The following LRFN2 variants were observed in gnomAD, a reference collection of about 807,000 sequenced individuals.
LRFN2 encodes leucine-rich repeat and fibronectin type-III domain-containing protein 2.
A neutral mutation model predicts 37.3 loss-of-function variants in LRFN2; 18 were observed. That is an observed-to-expected ratio of 0.48 (90% CI 0.33 to 0.72). The LOEUF (loss-of-function observed/expected upper bound fraction) is 0.72. Among genes scored for constraint, LRFN2 ranks in the 30% least tolerant of loss-of-function variants. The probability of loss-of-function intolerance (pLI) is 0.02; values close to 1 mark genes in which losing one functional copy is unlikely to be tolerated. For missense variants in LRFN2, 1,006 were observed against 1,060.7 expected (o/e 0.95, Z 0.72); for synonymous variants, 556 against 466.6 (o/e 1.19, Z -2.47).
chr6:40,553,104 G>A (rs1291164605), intron 1 of LRFN2, among the ~76,000 whole-genome samples: 5 of 152,072 alleles, frequency 3.3e-5, no homozygotes, highest in African/African-American at 9.7e-5. Flanking sequence ...TGTTCGCTCC[G>A]CTCTGCCTGC....
chr6:40,499,388 A>ATT (rs34232819), intron 1 of LRFN2, among the ~76,000 whole-genome samples: 3 of 147,538 alleles, frequency 2.0e-5, no homozygotes, highest in African/African-American at 7.4e-5. Flanking sequence ...CCTTCCAGAC[A>ATT]TTTTTTTTTT....
chr6:40,455,397 G>A (rs1764212488), intron 1 of LRFN2, among the ~76,000 whole-genome samples: 1 of 152,182 alleles, frequency 6.6e-6, no homozygotes, highest in Non-Finnish European at 1.5e-5. Context: ...TTCCATGTGG[G>A]GTCTGGCATA....
intron 1 of LRFN2, among the ~76,000 whole-genome samples, chr6:40,452,596 G>A (rs559364206): frequency 6.6e-6 from 1 of 152,302 alleles, no homozygotes; most frequent in East Asian, 1.9e-4. Flanking sequence ...GAACAACTGA[G>A]GGATTTGACC....
At chr6:40,550,261 G>A (rs927540169) in intron 1 of LRFN2, among the ~76,000 whole-genome samples, 1 of 152,136 alleles carries the variant, frequency 6.6e-6, no homozygotes, top group African/African-American at 2.4e-5. Flanking sequence ...CAGCTCTGTT[G>A]CTAGGAGACA....
chr6:40,401,903 G>A (rs977961084), intron 2 of LRFN2, among the ~76,000 whole-genome samples: 19 of 152,040 alleles, frequency 1.2e-4, no homozygotes, highest in Admixed American at 3.3e-4. Flanking sequence ...ATTTGGAAGG[G>A]CCACATCAGG....
intron 1 of LRFN2, among the ~76,000 whole-genome samples, chr6:40,488,339 C>T (rs1439635262): frequency 6.6e-6 from 1 of 151,754 alleles, no homozygotes; most frequent in Non-Finnish European, 1.5e-5. Context: ...ACCTGCCTGG[C>T]CCCCCAACCC....
At chr6:40,553,735 A>T (rs1766820425) in intron 1 of LRFN2, among the ~76,000 whole-genome samples, 1 of 152,220 alleles carries the variant, frequency 6.6e-6, no homozygotes, top group South Asian at 2.1e-4. Flanking sequence ...GATGAAATAC[A>T]CTTATCCATT....
rs146665914 is a variant in LRFN2 at position 40,457,541 on chromosome 6, G to A, written c.-18-24410C>T. Among the ~76,000 whole-genome samples, 217 of 150,956 alleles carry A rather than the reference G, an allele frequency of 1.4e-3. 1 individual carries two copies. The highest frequency in any genetic ancestry group is 5.1e-3 in the African/African-American group (209 of 41,190). ...TAATCCCAGCACCTTGAGAGGCTGA[G>A]GCAGGAGAAATCACTTGAGCCTAGG... On this transcript the variant is annotated intron_variant, in intron 1 of 2. Transcript: ENST00000338305.
At chr6:40,569,822 G>A (rs779866394) in intron 1 of LRFN2, among the ~76,000 whole-genome samples, 2 of 152,090 alleles carry the variant, frequency 1.3e-5, no homozygotes, top group Non-Finnish European at 2.9e-5. Flanking sequence ...AAGCTTTCCA[G>A]GGCCTCTATC....
rs1377897939 is a variant in LRFN2, at chr6:40,543,371, A to G, written c.-19+43570T>C. Among the ~76,000 whole-genome samples, 3 of 152,220 alleles carry G rather than the reference A, an allele frequency of 2.0e-5. No homozygotes were observed. The East Asian group carries it at 5.8e-4, about 29-fold the overall frequency. On this transcript the variant is annotated intron_variant, in intron 1 of 2. Coordinates refer to ENST00000338305, the MANE Select transcript of LRFN2 (RefSeq NM_020737.3). ...TGCCTGTCTCATTGCCAGCAGAGAC[A>G]TTAGCTATATGAGTCACATTATTGA... is the stretch of plus-strand genomic sequence containing the variant.
At chr6:40,480,803 G>T (rs1764810585) in intron 1 of LRFN2, among the ~76,000 whole-genome samples, 1 of 152,188 alleles carries the variant, frequency 6.6e-6, no homozygotes, top group Non-Finnish European at 1.5e-5. Flanking sequence ...GTCGCATATG[G>T]GGCCAGGTGG....
intron 1 of LRFN2, among the ~76,000 whole-genome samples, chr6:40,509,808 T>C (rs781716761): frequency 6.7e-6 from 1 of 149,386 alleles, no homozygotes; most frequent in Non-Finnish European, 1.5e-5. Flanking sequence ...CGTGCCAGTA[T>C]GCCAGGGAAT....
intron 1 of LRFN2, among the ~76,000 whole-genome samples, chr6:40,468,955 C>T (rs541044946): frequency 2.0e-5 from 3 of 152,174 alleles, no homozygotes; most frequent in South Asian, 2.1e-4. Context: ...TGAATGGAGG[C>T]CCCCCAAAAG....
intron 1 of LRFN2, among the ~76,000 whole-genome samples, chr6:40,531,414 C>T (rs532168312): frequency 6.6e-6 from 1 of 152,270 alleles, no homozygotes; most frequent in African/African-American, 2.4e-5. Context: ...ACTCTGAACG[C>T]CCAGGAACAC....
chr6:40,513,436 G>A (rs989028134), intron 1 of LRFN2, among the ~76,000 whole-genome samples: 3 of 152,034 alleles, frequency 2.0e-5, no homozygotes, highest in East Asian at 3.9e-4. Context: ...GTTTCACCAT[G>A]TTGGCCATGC....
intron 1 of LRFN2, among the ~76,000 whole-genome samples, chr6:40,548,346 C>T (rs1000085564): frequency 6.6e-6 from 1 of 151,824 alleles, no homozygotes; most frequent in Non-Finnish European, 1.5e-5. Flanking sequence ...GAGGCAGAGG[C>T]AGAAGAATCA....
chr6:40,417,120 C>T (rs575528509), intron 2 of LRFN2, among the ~76,000 whole-genome samples: 2 of 152,316 alleles, frequency 1.3e-5, no homozygotes, highest in Non-Finnish European at 2.9e-5. Flanking sequence ...TTCAAAGCCT[C>T]CCTGTTCCAC....
At position 40,432,850 on chromosome 6, in the gene LRFN2, G is replaced by A; in HGVS notation, c.264C>T (p.Ile88=). 1 of 1,614,248 alleles carries A rather than the reference G, an allele frequency of 6.2e-7. No individual in the cohort carries two copies. Among genetic ancestry groups the A allele is most frequent in the Non-Finnish European group, 8.5e-7 (1 of 1,180,056 alleles). ...GAAAGGAAAAGGGCTGGATGTGGCT[G>A]ATGGTGTTCCTGGACAGGGTCAGGT... The part of the protein sequence containing the change: ...LVDLTLSRNT[I]SHIQPFSFLD... The change falls in exon 2 of 3, where the codon ATC becomes ATT. Residue 88 remains isoleucine (I), a synonymous_variant. Coordinates refer to ENST00000338305, the MANE Select transcript of LRFN2 (RefSeq NM_020737.3).
intron 1 of LRFN2, among the ~76,000 whole-genome samples, chr6:40,550,433 ACTT>A (rs1766753768): frequency 6.6e-6 from 1 of 152,148 alleles, no homozygotes; most frequent in Non-Finnish European, 1.5e-5. Context: ...CTTAAGACAT[ACTT>A]CAAGTTCCCA....
Sources: allele counts gnomAD v4.1 joint callset (sites outside exome capture counted in the v4.1 genomes callset), GRCh38; gene constraint gnomAD v4.1.1; transcripts MANE v1.5; gene names NCBI Gene and HGNC (gene_info 2026-07-23, HGNC 2026-07-21).